The following MYO7A variants were observed in gnomAD, a reference collection of about 807,000 sequenced individuals.
MYO7A encodes myosin VIIA.
In MYO7A, 210 loss-of-function variants were observed where a neutral mutation model predicts 263.8. That is an observed-to-expected ratio of 0.80 (90% CI 0.71 to 0.89). The LOEUF (loss-of-function observed/expected upper bound fraction) is 0.89, where lower values mean the gene tolerates loss of function less well. Among genes scored for constraint, MYO7A ranks in the 40% least tolerant of loss-of-function variants. MYO7A has a pLI of 0.00. For missense variants in MYO7A, 2,820 were observed against 2,968.3 expected, an observed-to-expected ratio of 0.95 and a Z score of 1.16; for synonymous variants, 1,239 against 1,197.3, an observed-to-expected ratio of 1.03 and a Z score of -0.72.
chr11:77,214,688 G>A lies in MYO7A; in HGVS notation c.6640G>A (p.Gly2214Ser), dbSNP rs111033231. The change falls in exon 49 of 49, where the codon GGC becomes AGC. Residue 2214 changes from glycine (G) to serine (S), a missense_variant. Physicochemically the swap from Gly to Ser is moderately conservative, Grantham distance 56. Transcript: ENST00000409709. ...GAGCAAACAGCGGGGCTCCAGGAGC[G>A]GCAAGTGAACAGTCACGGGGAGGTG... ...AMSKQRGSRSGK is the reference protein window; with the variant it reads ...AMSKQRGSRSSK 3.5e-3 allele frequency: 5,567 copies of A among 1,573,326 alleles called. 167 individuals are homozygous for A. In the African/African-American group the frequency reaches 0.064, roughly 18 times the overall value.
chr11:77,192,243 C>A lies in MYO7A; in HGVS notation c.4117C>A (p.Arg1373=). The A allele has an allele frequency of 6.2e-7, 1 of 1,614,014 alleles. No individual in the cohort carries two copies. The highest frequency in any genetic ancestry group is 8.5e-7 in the Non-Finnish European group (1 of 1,179,898). Residue 1373 remains arginine, a synonymous_variant, in exon 31 of 49, where the codon CGA becomes AGA. Transcript: ENST00000409709. ...ATNLIYQQVV[R]GVKFGEYRCE... is the part of the protein sequence containing the mutation. The stretch of plus-strand genomic sequence containing the variant: ...CAACCTCATCTACCAGCAGGTGGTG[C>A]GAGGAGTCAAGTTTGGGGAGTACAG...
At chr11:77,152,050 T>C (rs1380869813) in intron 4 of MYO7A, among the ~76,000 whole-genome samples, 5 of 152,138 alleles carry the variant, frequency 3.3e-5, no homozygotes, top group Non-Finnish European at 7.4e-5. Flanking sequence ...AGAGGCCTTC[T>C]GAGGAAGTAA....
rs1064793208 is a variant in MYO7A, at chr11:77,155,955, T to TCCATCTACTCG, written c.338_348dup (p.Glu117SerfsTer33). The TCCATCTACTCG allele has an allele frequency of 6.8e-6, 11 of 1,612,480 alleles. No individual in the cohort carries two copies. The highest frequency in any genetic ancestry group is 9.3e-6 in the Non-Finnish European group (11 of 1,179,204). ...GGCTGTGAACCCCTACCAGCTGCTC[T>TCCATCTACTCG]CCATCTACTCGCCAGAGCACATCCG... is the stretch of plus-strand genomic sequence containing the variant. On this transcript the variant is annotated frameshift_variant, in exon 5 of 49. Transcript: ENST00000409709. LOFTEE classifies it high-confidence loss of function.
chr11:77,145,987 C>A (rs1344811908), intron 3 of MYO7A, among the ~76,000 whole-genome samples: 1 of 152,196 alleles, frequency 6.6e-6, no homozygotes. Flanking sequence ...ATCAGAGGCT[C>A]CCTGCCACAT....
chr11:77,180,285 A>C, intron 21 of MYO7A, 89 bp from the exon 22 acceptor site: 1 of 821,754 alleles, frequency 1.2e-6, no homozygotes. Flanking sequence ...CAGTTCCAGA[A>C]CTCAGAGTTG....
At chr11:77,208,052 C>A (rs574559685) in intron 42 of MYO7A, among the ~76,000 whole-genome samples, 6 of 152,202 alleles carry the variant, frequency 3.9e-5, no homozygotes, top group South Asian at 2.1e-4. Flanking sequence ...CTGTGCCAGA[C>A]GCTGGGACCC....
At chr11:77,172,524 GTGGT>G (rs1954194427) in intron 15 of MYO7A, among the ~76,000 whole-genome samples, 1 of 152,196 alleles carries the variant, frequency 6.6e-6, no homozygotes. Context: ...TCGCCCAGAG[GTGGT>G]AACTTTGGAA....
intron 28 of MYO7A, 25 bp downstream of exon 28, chr11:77,189,495 A>C: frequency 6.2e-7 from 1 of 1,613,014 alleles, no homozygotes; most frequent in South Asian, 1.1e-5. Flanking sequence ...GGCCTCCTGG[A>C]GTGGGAAGGG....
rs780175148 is a variant in MYO7A, at chr11:77,192,976, AGTT to A, written c.4152+701_4152+703del. 6.4e-3 allele frequency among the ~76,000 whole-genome samples: 91 copies of A among 14,156 alleles called. 19 individuals carry two copies. Among genetic ancestry groups the A allele is most frequent in the African/African-American group, 0.026 (56 of 2,168 alleles). The allele number at this position is 14,156 out of a possible 152,430, so 9.3% of individuals were successfully genotyped here. A position where few individuals can be genotyped will look rare whatever the true frequency, so the allele number is the denominator to read the frequency against. On this transcript the variant is annotated intron_variant, in intron 31 of 48. Coordinates refer to ENST00000409709, the MANE Select transcript of MYO7A (RefSeq NM_000260.4). ...TGATGGTGTTGGTGATGGTGGAGGT[AGTT>A]GTGATGGTGGAGGTAGTGATGCTGT...
chr11:77,142,665 C>G, intron 2 of MYO7A, 44 bp from the exon 3 acceptor site: 2 of 1,523,242 alleles, frequency 1.3e-6, no homozygotes, highest in Non-Finnish European at 1.8e-6. Flanking sequence ...GGGCTCCAAT[C>G]CCCCTCCCTG....
At chr11:77,205,271 G>C (rs779108722) in intron 39 of MYO7A, among the ~76,000 whole-genome samples, 191 bp from the exon 40 acceptor site, 1 of 152,172 alleles carries the variant, frequency 6.6e-6, no homozygotes, top group African/African-American at 2.4e-5. Flanking sequence ...GGTAGCACTA[G>C]TTGCATCTGG....
chr11:77,184,538 C>T, intron 26 of MYO7A, 50 bp from the exon 27 acceptor site: 2 of 1,500,222 alleles, frequency 1.3e-6, no homozygotes, highest in African/African-American at 1.4e-5. Context: ...CCCTGGCTGG[C>T]AGGGGAACAC....
chr11:77,191,065 T>A, intron 30 of MYO7A, 195 bp downstream of exon 30: 1 of 567,192 alleles, frequency 1.8e-6, no homozygotes, highest in Non-Finnish European at 3.0e-6. Flanking sequence ...TTCACACCTG[T>A]AATCCCAGCA....
Position 77,212,930 on chromosome 11 carries a change from G to C in MYO7A, c.6355-22G>C, listed in dbSNP as rs777840726. The C allele has an allele frequency of 2.6e-6, 4 of 1,558,682 alleles. No homozygotes were observed. In the African/African-American group the frequency reaches 5.4e-5, roughly 21 times the overall value. ...TTCTTGCTCTGGGCCCCCATCTGAT[G>C]CCTTCTCATCTTTTTTTCTAGCAAA... On this transcript the variant is annotated intron_variant, in intron 46 of 48. Coordinates refer to ENST00000409709, the MANE Select transcript of MYO7A (RefSeq NM_000260.4).
In MYO7A at chr11:77,214,997, GC is replaced by G. The variant is rs1159757968; in HGVS notation, c.*305del. 5.6e-6 allele frequency: 2 copies of G among 357,324 alleles called. No homozygotes were observed. The highest frequency in any genetic ancestry group is 1.0e-5 in the Non-Finnish European group (2 of 194,494). 22.1% of individuals were successfully genotyped at this position (357,324 alleles called of 1,614,324 possible). Reference sequence around the variant, plus strand: ...TAGATGTGTCTCCTGTTTCAGACCAGCCCCACCATGCAACTTCCTTTGACTT... The same window carrying G: ...TAGATGTGTCTCCTGTTTCAGACCAGCCCACCATGCAACTTCCTTTGACTT... On this transcript the variant is annotated 3_prime_UTR_variant, in exon 49 of 49. Coordinates refer to ENST00000409709, the MANE Select transcript of MYO7A (RefSeq NM_000260.4).
chr11:77,174,995 C>A, intron 17 of MYO7A, 81 bp downstream of exon 17: 1 of 1,550,224 alleles, frequency 6.5e-7, no homozygotes, highest in Non-Finnish European at 8.8e-7. Flanking sequence ...CTTATCAGGA[C>A]CATGGGCGGG....
chr11:77,172,041 G>GC (rs1954143097), intron 15 of MYO7A, among the ~76,000 whole-genome samples: 1 of 152,222 alleles, frequency 6.6e-6, no homozygotes, highest in African/African-American at 2.4e-5. Flanking sequence ...AGCCAGGCCT[G>GC]CCCCGCCCCC....
intron 38 of MYO7A, among the ~76,000 whole-genome samples, chr11:77,203,744 G>A (rs1591477705): frequency 6.6e-6 from 1 of 152,182 alleles, no homozygotes; most frequent in Admixed American, 6.5e-5. Flanking sequence ...CAGACAGGAT[G>A]GGAAGACTGG....
rs886048677 is a variant in MYO7A at position 77,192,244 on chromosome 11, G to A, written c.4118G>A (p.Arg1373Gln). 10 of 1,613,946 alleles carry A rather than the reference G, an allele frequency of 6.2e-6. No homozygotes were observed. The highest frequency in any genetic ancestry group is 2.2e-5 in the South Asian group (2 of 91,094). ...AACCTCATCTACCAGCAGGTGGTGC[G>A]AGGAGTCAAGTTTGGGGAGTACAGG... ...ATNLIYQQVV[R>Q]GVKFGEYRCE... Residue 1373 changes from arginine to glutamine, a missense_variant, in exon 31 of 49, where the codon CGA becomes CAA. Arg to Gln is a conservative substitution (Grantham distance 43, BLOSUM62 1). Transcript: ENST00000409709.
Sources: gnomAD v4.1 joint callset for allele counts (sites outside exome capture counted in the v4.1 genomes callset) on GRCh38, gnomAD v4.1.1 for gene constraint, MANE v1.5 for transcripts, NCBI Gene and HGNC (gene_info 2026-07-23, HGNC 2026-07-21) for gene names.